The following KCNH5 variants were observed in gnomAD, a reference collection of about 807,000 sequenced individuals.
The protein encoded by KCNH5 is voltage-gated delayed rectifier potassium channel KCNH5.
A neutral mutation model predicts 96.1 loss-of-function variants in KCNH5; 46 were observed. The ratio of observed to expected loss-of-function variants is 0.48; its 90% CI spans 0.38 to 0.61. The LOEUF is 0.61. Ranked by LOEUF, KCNH5 falls within the 20% of genes least tolerant of loss-of-function variation. KCNH5 has a pLI of 0.00. For missense variants in KCNH5, 907 were observed against 1,225.8 expected (o/e 0.74, Z 3.88); for synonymous variants, 439 against 449.8 (o/e 0.98, Z 0.30).
intron 9 of KCNH5, among the ~76,000 whole-genome samples, chr14:62,784,715 G>C (rs1886286171): frequency 6.6e-6 from 1 of 151,966 alleles, no homozygotes; most frequent in Non-Finnish European, 1.5e-5. Context: ...TTACCAATAT[G>C]GGCCATTTTT....
intron 7 of KCNH5, among the ~76,000 whole-genome samples, chr14:62,914,991 T>G (rs1220800962): frequency 6.6e-6 from 1 of 152,242 alleles, no homozygotes; most frequent in African/African-American, 2.4e-5. Flanking sequence ...CACCTTGTAT[T>G]TCCAGAGCTG....
chr14:62,877,795 CAGGGATCT>C (rs1459275061), intron 7 of KCNH5, among the ~76,000 whole-genome samples: 1 of 151,938 alleles, frequency 6.6e-6, no homozygotes, highest in African/African-American at 2.4e-5. Flanking sequence ...GGTGATTCCT[CAGGGATCT>C]AGAACTTGAA....
At chr14:62,925,276 T>G (rs1251878160) in intron 7 of KCNH5, among the ~76,000 whole-genome samples, 1 of 151,998 alleles carries the variant, frequency 6.6e-6, no homozygotes, top group Non-Finnish European at 1.5e-5. Flanking sequence ...ACTTCAACAC[T>G]AATTAAAGCA....
chr14:62,975,354 G>T (rs1465778200), intron 6 of KCNH5, among the ~76,000 whole-genome samples: 1 of 152,020 alleles, frequency 6.6e-6, no homozygotes, highest in Non-Finnish European at 1.5e-5. Flanking sequence ...ATAATAAGGG[G>T]TAATAAAGAG....
Position 62,779,931 on chromosome 14 carries a change from A to G in KCNH5, c.1823-7T>C. On this transcript the variant is annotated splice_region_variant and splice_polypyrimidine_tract_variant and intron_variant, in intron 9 of 10. Coordinates refer to ENST00000322893, the MANE Select transcript of KCNH5 (RefSeq NM_139318.5). ...CCAAATACATCACCCTTCCCTAGAAAACAGTATAAGATACATATTCAAGTA... is the reference window on the plus strand; with the variant it reads ...CCAAATACATCACCCTTCCCTAGAAGACAGTATAAGATACATATTCAAGTA... 1.9e-6 allele frequency: 3 copies of G among 1,609,060 alleles called. No individual in the cohort carries two copies. The highest frequency in any genetic ancestry group is 2.5e-6 in the Non-Finnish European group (3 of 1,177,474).
At chr14:62,937,768 GA>G (rs1278451329) in intron 7 of KCNH5, among the ~76,000 whole-genome samples, 7 of 152,170 alleles carry the variant, frequency 4.6e-5, no homozygotes, top group Admixed American at 4.6e-4. Context: ...CCCTGGAACA[GA>G]AAAAGAGACA....
At chr14:62,894,340 C>T (rs1263140045) in intron 7 of KCNH5, among the ~76,000 whole-genome samples, 3 of 152,138 alleles carry the variant, frequency 2.0e-5, no homozygotes, top group Non-Finnish European at 4.4e-5. Context: ...GATCTATACT[C>T]CTATGGACCG....
intron 10 of KCNH5, among the ~76,000 whole-genome samples, chr14:62,774,901 C>A (rs1886064028): frequency 6.6e-6 from 1 of 152,062 alleles, no homozygotes; most frequent in East Asian, 1.9e-4. Flanking sequence ...TCTGGCAGAG[C>A]CTGTGGACCT....
At chr14:62,786,334 G>A (rs1395659720) in intron 9 of KCNH5, among the ~76,000 whole-genome samples, 1 of 152,134 alleles carries the variant, frequency 6.6e-6, no homozygotes, top group Non-Finnish European at 1.5e-5. Flanking sequence ...TGTGATAGTG[G>A]CTCTATTTGA....
At chr14:62,983,157 G>T (rs1327324710) in intron 5 of KCNH5, among the ~76,000 whole-genome samples, 2 of 151,992 alleles carry the variant, frequency 1.3e-5, no homozygotes, top group Non-Finnish European at 2.9e-5. Flanking sequence ...CACCTTCGTG[G>T]ACCCTAAGCC....
intron 10 of KCNH5, among the ~76,000 whole-genome samples, chr14:62,744,965 G>A (rs930653639): frequency 6.6e-6 from 1 of 152,170 alleles, no homozygotes; most frequent in Non-Finnish European, 1.5e-5. Context: ...AGTGAAGGGA[G>A]AAAGAAGGAA....
chr14:63,030,085 T>A (rs959776287), intron 1 of KCNH5, among the ~76,000 whole-genome samples: 6 of 152,176 alleles, frequency 3.9e-5, no homozygotes, highest in Non-Finnish European at 5.9e-5. Flanking sequence ...CCATCACCCA[T>A]TCTTATCAAC....
Position 62,790,353 on chromosome 14 carries a change from C to G in KCNH5, c.1823-10429G>C, listed in dbSNP as rs1886407867. The stretch of plus-strand genomic sequence containing the variant: ...GAAGTGTGATGCCTCCAACTTTGTT[C>G]TTTCTCAGTATTGCTTTTTGTCTAT... On this transcript the variant is annotated intron_variant, in intron 9 of 10. Transcript: ENST00000322893. 2.0e-5 allele frequency among the ~76,000 whole-genome samples: 3 copies of G among 151,666 alleles called. No individual in the cohort carries two copies. The South Asian group carries it at 6.2e-4, about 31-fold the overall frequency.
At chr14:62,991,544 C>T (rs1187099132) in intron 4 of KCNH5, among the ~76,000 whole-genome samples, 1 of 151,964 alleles carries the variant, frequency 6.6e-6, no homozygotes, top group African/African-American at 2.4e-5. Flanking sequence ...ATTGAGTAAT[C>T]GTTTATGAGT....
At chr14:62,870,936 T>A (rs1283829781) in intron 7 of KCNH5, among the ~76,000 whole-genome samples, 1 of 152,196 alleles carries the variant, frequency 6.6e-6, no homozygotes, top group African/African-American at 2.4e-5. Flanking sequence ...CCAAATCCTG[T>A]GTTTTGAATC....
intron 1 of KCNH5, among the ~76,000 whole-genome samples, chr14:63,027,547 T>A (rs1264408862): frequency 6.6e-6 from 1 of 151,774 alleles, no homozygotes; most frequent in Non-Finnish European, 1.5e-5. Flanking sequence ...TAGGGTATAC[T>A]ATACCTGGCA....
intron 10 of KCNH5, among the ~76,000 whole-genome samples, chr14:62,765,290 T>A (rs988761097): frequency 6.6e-6 from 1 of 152,154 alleles, no homozygotes; most frequent in South Asian, 2.1e-4. Context: ...CCCTATTCCA[T>A]AAATAGTGCT....
At chr14:62,967,047 C>A (rs988722557) in intron 6 of KCNH5, among the ~76,000 whole-genome samples, 5 of 152,118 alleles carry the variant, frequency 3.3e-5, no homozygotes, top group Admixed American at 1.3e-4. Context: ...CTTTTGACAG[C>A]CTCATGCTCT....
At chr14:62,989,735 A>G (rs73278534) in intron 4 of KCNH5, among the ~76,000 whole-genome samples, 16,059 of 152,110 alleles carry the variant, frequency 0.11, 1,423 homozygotes, top group African/African-American at 0.23. Flanking sequence ...ACTTGAAACA[A>G]GGCCTGGCAT....
Sources: allele counts gnomAD v4.1 joint callset (sites outside exome capture counted in the v4.1 genomes callset), GRCh38; gene constraint gnomAD v4.1.1; transcripts MANE v1.5; gene names NCBI Gene and HGNC (gene_info 2026-07-23, HGNC 2026-07-21).